PDE4D: variants seen among roughly 807,000 people sequenced by gnomAD.
The protein encoded by PDE4D is phosphodiesterase 4D.
Under a neutral mutation model 87.4 loss-of-function variants are expected in PDE4D, and 24 were observed. The observed-to-expected ratio is 0.27, with a 90% CI of 0.20 to 0.39. PDE4D has a LOEUF of 0.39. Among genes scored for constraint, PDE4D ranks in the 10% least tolerant of loss-of-function variants. The probability of loss-of-function intolerance (pLI) is 1.00; values close to 1 mark genes in which losing one functional copy is unlikely to be tolerated. For missense variants in PDE4D, 714 were observed against 1,041.0 expected (o/e 0.69, Z 4.32); for synonymous variants, 384 against 383.2 (o/e 1.00, Z -0.02).
intron 1 of PDE4D, among the ~76,000 whole-genome samples, chr5:59,626,267 G>A (rs1441649493): frequency 6.6e-6 from 1 of 152,070 alleles, no homozygotes; most frequent in Non-Finnish European, 1.5e-5. Context: ...AGAATTAGAT[G>A]GTTTAAACAC....
Position 59,904,932 on chromosome 5 carries a change from T to A in PDE4D, c.272+83556A>T, listed in dbSNP as rs938557031. ...ATAAGAACTTCAGGAAAGGAAAAAATATACAGAATTCACAAGTCACGGCAG... is the reference window on the plus strand; with the variant it reads ...ATAAGAACTTCAGGAAAGGAAAAAAAATACAGAATTCACAAGTCACGGCAG... On this transcript the variant is annotated intron_variant, in intron 3 of 16. Transcript: ENST00000502484. Among the ~76,000 whole-genome samples, 5 of 152,068 alleles carry A rather than the reference T, an allele frequency of 3.3e-5. No homozygotes were observed. The South Asian group carries it at 1.0e-3, about 32-fold the overall frequency.
chr5:58,977,252 TCA>T lies in PDE4D; in HGVS notation c.1644_1645del (p.Cys548Ter). ...TTTTTTGGTCAAATTCTGGAAAATG[TCA>T]CAGTTTTCTTCCTGAAGCAATTTAA... On this transcript the variant is annotated stop_gained and frameshift_variant, in exon 12 of 15. Transcript: ENST00000340635. LOFTEE classifies it high-confidence loss of function. The T allele has an allele frequency of 1.2e-6, 2 of 1,613,146 alleles. No homozygotes were observed. The highest frequency in any genetic ancestry group is 1.7e-6 in the Non-Finnish European group (2 of 1,179,448).
At chr5:60,476,227 T>C (rs181329718) in intron 1 of PDE4D, among the ~76,000 whole-genome samples, 1 of 152,334 alleles carries the variant, frequency 6.6e-6, no homozygotes, top group African/African-American at 2.4e-5. Context: ...TTCATGCATG[T>C]GACATAGCAC....
intron 1 of PDE4D, chr5:59,586,471 A>G (rs760525306): frequency 1.0e-5 from 15 of 1,445,426 alleles, no homozygotes; most frequent in Non-Finnish European, 1.3e-5. Flanking sequence ...TTGAGCAGCT[A>G]TCGTGGGCAA....
At chr5:60,176,696 A>G (rs1783927074) in intron 2 of PDE4D, among the ~76,000 whole-genome samples, 2 of 152,168 alleles carry the variant, frequency 1.3e-5, no homozygotes, top group African/African-American at 4.8e-5. Context: ...TTATTTTAAA[A>G]GAAAAGGTGT....
intron 5 of PDE4D, among the ~76,000 whole-genome samples, chr5:59,128,715 T>C (rs1775857705): frequency 6.6e-6 from 1 of 152,242 alleles, no homozygotes; most frequent in East Asian, 1.9e-4. Context: ...AAATAATGTT[T>C]GTTTCTCTTG....
chr5:59,291,725 A>G (rs1768046900), intron 1 of PDE4D, among the ~76,000 whole-genome samples: 1 of 140,572 alleles, frequency 7.1e-6, no homozygotes, highest in South Asian at 2.3e-4. Context: ...AAAATTAAAA[A>G]AAGTAAAAAG....
chr5:59,604,315 A>T (rs1037506842), intron 1 of PDE4D, among the ~76,000 whole-genome samples: 6 of 152,058 alleles, frequency 3.9e-5, no homozygotes, highest in Non-Finnish European at 5.9e-5. Context: ...TATAGATTAA[A>T]TCATGTAGCA....
intron 5 of PDE4D, among the ~76,000 whole-genome samples, chr5:59,151,358 T>C (rs1006386784): frequency 6.6e-6 from 1 of 152,096 alleles, no homozygotes; most frequent in African/African-American, 2.4e-5. Flanking sequence ...CTGAGTAATA[T>C]GAGTCCAAAG....
intron 1 of PDE4D, among the ~76,000 whole-genome samples, chr5:59,473,383 A>G (rs1802782340): frequency 6.6e-6 from 1 of 152,132 alleles, no homozygotes; most frequent in African/African-American, 2.4e-5. Context: ...GAATTTTAAA[A>G]TGATATATAC....
chr5:59,375,604 G>T (rs994155583), intron 1 of PDE4D, among the ~76,000 whole-genome samples: 1 of 152,148 alleles, frequency 6.6e-6, no homozygotes, highest in African/African-American at 2.4e-5. Context: ...AATTCTACCA[G>T]ATGTACAAAG....
At chr5:60,454,517 G>A (rs574733767) in intron 1 of PDE4D, among the ~76,000 whole-genome samples, 33 of 152,276 alleles carry the variant, frequency 2.2e-4, no homozygotes, top group African/African-American at 7.7e-4. Flanking sequence ...GATGAAGCCA[G>A]AAGCCATCAT....
intron 3 of PDE4D, among the ~76,000 whole-genome samples, chr5:59,919,432 A>G (rs1458570546): frequency 6.6e-6 from 1 of 152,198 alleles, no homozygotes; most frequent in Non-Finnish European, 1.5e-5. Flanking sequence ...CTTTCATTAG[A>G]TATGAAAGAA....
chr5:59,749,382 G>C (rs1290542260), intron 1 of PDE4D, among the ~76,000 whole-genome samples: 1 of 152,078 alleles, frequency 6.6e-6, no homozygotes, highest in Non-Finnish European at 1.5e-5. Flanking sequence ...TCCTGCCTCA[G>C]ACTCCCCAGT....
chr5:60,048,203 T>C (rs537596794), intron 2 of PDE4D, among the ~76,000 whole-genome samples: 190 of 151,868 alleles, frequency 1.3e-3, no homozygotes, highest in Non-Finnish European at 2.1e-3. Context: ...CCTTTTTTTG[T>C]TTTCCATTTG....
intron 1 of PDE4D, among the ~76,000 whole-genome samples, chr5:60,318,306 C>T (rs966243556): frequency 2.6e-5 from 4 of 152,114 alleles, no homozygotes; most frequent in African/African-American, 7.2e-5. Flanking sequence ...AGGATTGCAA[C>T]CCCTGCCTTT....
Position 58,969,959 on chromosome 5 carries a change from TATG to T in PDE4D, c.*4702_*4704del, listed in dbSNP as rs1742326823. ...TTGGTTATGAATATCAGTACTAACT[TATG>T]ATGTCACTATCCTTTCATTTCAACC... is the stretch of plus-strand genomic sequence containing the variant. On this transcript the variant is annotated 3_prime_UTR_variant, in exon 15 of 15. Coordinates refer to ENST00000340635, the MANE Select transcript of PDE4D (RefSeq NM_001104631.2). 1 of 152,182 alleles carries T rather than the reference TATG, an allele frequency of 6.6e-6. No homozygotes were observed. Among genetic ancestry groups the T allele is most frequent in the South Asian group, 2.1e-4 (1 of 4,834 alleles). 9.4% of individuals were successfully genotyped at this position (152,182 alleles called of 1,614,324 possible).
chr5:60,398,540 C>G (rs762842702), intron 1 of PDE4D, among the ~76,000 whole-genome samples: 1 of 152,082 alleles, frequency 6.6e-6, no homozygotes, highest in Non-Finnish European at 1.5e-5. Context: ...AGTTAGCTAT[C>G]GAAGGGAACC....
intron 1 of PDE4D, among the ~76,000 whole-genome samples, chr5:59,513,930 A>G (rs1810710730): frequency 6.6e-6 from 1 of 152,120 alleles, no homozygotes; most frequent in African/African-American, 2.4e-5. Flanking sequence ...TCAGTATACT[A>G]GGGCCAAATG....
Sources: allele counts gnomAD v4.1 joint callset (sites outside exome capture counted in the v4.1 genomes callset), GRCh38; gene constraint gnomAD v4.1.1; transcripts MANE v1.5; gene names NCBI Gene and HGNC (gene_info 2026-07-23, HGNC 2026-07-21).